DKK2: variants seen among roughly 807,000 people sequenced by gnomAD.
DKK2 encodes dickkopf-related protein 2.
In DKK2, 11 loss-of-function variants were observed where a neutral mutation model predicts 28.1. That is an observed-to-expected ratio of 0.39 (90% confidence interval 0.25 to 0.65). The LOEUF is 0.65. DKK2 is among the 30% of genes least tolerant of loss of function. The probability of loss-of-function intolerance (pLI) is 0.47; values close to 1 mark genes in which losing one functional copy is unlikely to be tolerated. For missense variants in DKK2, 326 were observed against 335.5 expected (o/e 0.97, Z 0.22); for synonymous variants, 135 against 126.5 (o/e 1.07, Z -0.45).
intron 1 of DKK2, among the ~76,000 whole-genome samples, chr4:107,012,174 C>T (rs1371085222): frequency 6.6e-6 from 1 of 151,158 alleles, no homozygotes; most frequent in Non-Finnish European, 1.5e-5. Context: ...CATAATATTG[C>T]TGAAGGAAAA....
chr4:106,985,208 C>CA (rs569150141), intron 1 of DKK2, among the ~76,000 whole-genome samples: 2,695 of 48,308 alleles, frequency 0.056, 88 homozygotes, highest in African/African-American at 0.11. Context: ...TACTCCATCT[C>CA]AAAAAAAAAA....
chr4:107,005,137 T>C (rs905460742), intron 1 of DKK2, among the ~76,000 whole-genome samples: 1 of 151,910 alleles, frequency 6.6e-6, no homozygotes, highest in African/African-American at 2.4e-5. Flanking sequence ...TTTGAGGAGA[T>C]CGAGACCATC....
At chr4:106,931,642 A>G (rs1364329306) in intron 1 of DKK2, among the ~76,000 whole-genome samples, 2 of 152,188 alleles carry the variant, frequency 1.3e-5, no homozygotes, top group Non-Finnish European at 1.5e-5. Flanking sequence ...TGACTATTAT[A>G]TTAATCAAAG....
At chr4:106,956,731 C>T (rs999658951) in intron 1 of DKK2, among the ~76,000 whole-genome samples, 4 of 152,004 alleles carry the variant, frequency 2.6e-5, no homozygotes, top group Middle Eastern at 3.4e-3. Flanking sequence ...CCCTTCCTTA[C>T]ACCTTATACA....
intron 1 of DKK2, among the ~76,000 whole-genome samples, chr4:106,976,485 A>G (rs543537086): frequency 1.8e-4 from 28 of 152,224 alleles, no homozygotes; most frequent in African/African-American, 6.0e-4. Flanking sequence ...TCCCTTTACC[A>G]TTATGTAATG....
At chr4:106,952,741 T>C (rs1722492403) in intron 1 of DKK2, among the ~76,000 whole-genome samples, 1 of 152,156 alleles carries the variant, frequency 6.6e-6, no homozygotes, top group Non-Finnish European at 1.5e-5. Flanking sequence ...AATAAAAAAC[T>C]AGAAGTCATT....
intron 1 of DKK2, among the ~76,000 whole-genome samples, chr4:106,933,732 T>A (rs1389843082): frequency 1.3e-5 from 2 of 152,206 alleles, no homozygotes; most frequent in Non-Finnish European, 2.9e-5. Flanking sequence ...ACCTTTCTCT[T>A]TTCCAATGAA....
At chr4:107,017,525 C>T (rs556528610) in intron 1 of DKK2, among the ~76,000 whole-genome samples, 2 of 152,070 alleles carry the variant, frequency 1.3e-5, no homozygotes, top group South Asian at 2.1e-4. Flanking sequence ...CTACTTTCCT[C>T]ATTCATTTCC....
chr4:106,956,214 T>G (rs999969251), intron 1 of DKK2, among the ~76,000 whole-genome samples: 18 of 152,254 alleles, frequency 1.2e-4, no homozygotes, highest in African/African-American at 3.9e-4. Context: ...AAGGACCCCT[T>G]CAAGGAGAAC....
At chr4:106,972,391 A>T (rs1189555770) in intron 1 of DKK2, among the ~76,000 whole-genome samples, 2 of 150,898 alleles carry the variant, frequency 1.3e-5, no homozygotes, top group Non-Finnish European at 3.0e-5. Flanking sequence ...CTGGAATGTT[A>T]TTATCTTTCC....
At chr4:106,935,809 C>A (rs1724577550) in intron 1 of DKK2, among the ~76,000 whole-genome samples, 1 of 152,212 alleles carries the variant, frequency 6.6e-6, no homozygotes, top group Non-Finnish European at 1.5e-5. Context: ...TCTCTGAACC[C>A]TGACCCCCGA....
intron 1 of DKK2, among the ~76,000 whole-genome samples, chr4:106,940,798 T>C (rs1053094445): frequency 3.3e-5 from 5 of 152,362 alleles, no homozygotes; most frequent in African/African-American, 1.2e-4. Context: ...GATGGGTTCA[T>C]GTCCTTTGTA....
At chr4:106,965,987 G>A (rs1163368890) in intron 1 of DKK2, among the ~76,000 whole-genome samples, 8 of 151,490 alleles carry the variant, frequency 5.3e-5, no homozygotes, top group Non-Finnish European at 1.0e-4. Context: ...TCTTAATCCA[G>A]TCTATCATTG....
At chr4:106,931,279 G>A (rs913933299) in intron 1 of DKK2, among the ~76,000 whole-genome samples, 1 of 152,052 alleles carries the variant, frequency 6.6e-6, no homozygotes, top group African/African-American at 2.4e-5. Flanking sequence ...TGTAGTTACA[G>A]GTTCATTAAG....
At chr4:107,015,217 T>C (rs1353507646) in intron 1 of DKK2, among the ~76,000 whole-genome samples, 2 of 151,578 alleles carry the variant, frequency 1.3e-5, no homozygotes, top group Non-Finnish European at 3.0e-5. Flanking sequence ...ACCTATACAC[T>C]TGGTATTGTT....
chr4:106,994,946 A>G (rs539152202), intron 1 of DKK2, among the ~76,000 whole-genome samples: 1 of 152,336 alleles, frequency 6.6e-6, no homozygotes, highest in Non-Finnish European at 1.5e-5. Flanking sequence ...CTATTAAAAT[A>G]AGCTGTTATT....
chr4:106,966,761 G>A (rs1055936248), intron 1 of DKK2, among the ~76,000 whole-genome samples: 2 of 152,188 alleles, frequency 1.3e-5, no homozygotes, highest in Non-Finnish European at 2.9e-5. Flanking sequence ...CAGGCAAAGA[G>A]AGAGAGCTTG....
At chr4:107,013,637 AT>A (rs906383660) in intron 1 of DKK2, among the ~76,000 whole-genome samples, 1 of 151,366 alleles carries the variant, frequency 6.6e-6, no homozygotes, top group African/African-American at 2.4e-5. Context: ...TGGGCAATAA[AT>A]TTTTAGATAG....
intron 1 of DKK2, among the ~76,000 whole-genome samples, chr4:107,010,884 A>G (rs1288573540): frequency 6.6e-6 from 1 of 151,134 alleles, no homozygotes. Flanking sequence ...ATATTAATAT[A>G]AATAATATAT....
Sources: gnomAD v4.1 joint callset for allele counts (sites outside exome capture counted in the v4.1 genomes callset) on GRCh38, gnomAD v4.1.1 for gene constraint, MANE v1.5 for transcripts, NCBI Gene and HGNC (gene_info 2026-07-23, HGNC 2026-07-21) for gene names.